The following SKAP2 variants were observed in gnomAD, a reference collection of about 807,000 sequenced individuals.
SKAP2 encodes src kinase-associated phosphoprotein 2.
Under a neutral mutation model 54.9 loss-of-function variants are expected in SKAP2, and 28 were observed. The observed-to-expected ratio is 0.51, with a 90% CI of 0.38 to 0.70. The LOEUF is 0.70. SKAP2 is among the 30% of genes least tolerant of loss of function. The pLI, the probability that SKAP2 is intolerant of heterozygous loss-of-function variation, is 0.00. For synonymous variants in SKAP2, 137 were observed against 134.3 expected, an observed-to-expected ratio of 1.02 and a Z score of -0.14; for missense variants, 356 against 424.1, an observed-to-expected ratio of 0.84 and a Z score of 1.41.
intron 4 of SKAP2, among the ~76,000 whole-genome samples, chr7:26,839,491 A>T (rs1268995839): frequency 2.0e-5 from 3 of 152,144 alleles, no homozygotes; most frequent in African/African-American, 7.2e-5. Context: ...AAATATGTGC[A>T]AATTGCAAAT....
At chr7:26,825,225 A>G (rs943483166) in intron 4 of SKAP2, among the ~76,000 whole-genome samples, 11 of 152,240 alleles carry the variant, frequency 7.2e-5, no homozygotes, top group Admixed American at 4.6e-4. Context: ...CATTTGAGAT[A>G]CAGATATTAA....
intron 4 of SKAP2, among the ~76,000 whole-genome samples, chr7:26,775,517 A>G (rs1350877463): frequency 1.5e-5 from 2 of 134,908 alleles, no homozygotes; most frequent in Admixed American, 1.7e-4. Flanking sequence ...TAGATTTCCC[A>G]GTTTTACTTG....
the SKAP2 span, among the ~76,000 whole-genome samples, chr7:26,656,517 A>G: frequency 1.3e-5 from 2 of 152,242 alleles, no homozygotes; most frequent in Admixed American, 1.3e-4. Flanking sequence ...AAAAACACAG[A>G]TATGTTCTGA....
chr7:26,796,821 T>C (rs1029397303), intron 4 of SKAP2, among the ~76,000 whole-genome samples: 20 of 152,224 alleles, frequency 1.3e-4, no homozygotes, highest in African/African-American at 3.6e-4. Context: ...CAACAGGCTA[T>C]TAGTAGTTAG....
intron 11 of SKAP2, 64 bp from the exon 12 acceptor site, chr7:26,670,256 C>A: frequency 1.3e-6 from 1 of 756,762 alleles, no homozygotes; most frequent in South Asian, 1.5e-5. Flanking sequence ...CGTTTGTATG[C>A]AACTTCTTAG....
At chr7:26,765,620 T>C (rs1485808472) in intron 4 of SKAP2, among the ~76,000 whole-genome samples, 1 of 152,242 alleles carries the variant, frequency 6.6e-6, no homozygotes, top group Non-Finnish European at 1.5e-5. Flanking sequence ...TTTAAGTCTT[T>C]AATCCACCTT....
the SKAP2 span, among the ~76,000 whole-genome samples, chr7:26,655,945 A>G: frequency 6.6e-6 from 1 of 152,246 alleles, no homozygotes; most frequent in African/African-American, 2.4e-5. Flanking sequence ...CACTGGATGG[A>G]AATGTTAGCA....
intron 9 of SKAP2, among the ~76,000 whole-genome samples, chr7:26,704,377 C>T (rs1018062817): frequency 2.0e-5 from 3 of 152,118 alleles, no homozygotes; most frequent in African/African-American, 7.2e-5. Context: ...TCAATCCTAG[C>T]CAGGAGCCTA....
chr7:26,777,147 T>A (rs1448332301), intron 4 of SKAP2, among the ~76,000 whole-genome samples: 1 of 152,034 alleles, frequency 6.6e-6, no homozygotes, highest in East Asian at 1.9e-4. Flanking sequence ...AAGAAAAAAA[T>A]TTAAAAAATA....
At chr7:26,772,499 G>A (rs555398937) in intron 4 of SKAP2, among the ~76,000 whole-genome samples, 1 of 152,288 alleles carries the variant, frequency 6.6e-6, no homozygotes, top group East Asian at 1.9e-4. Context: ...TTCTGTTCCT[G>A]TGTTAATTTG....
intron 4 of SKAP2, among the ~76,000 whole-genome samples, chr7:26,837,722 G>A (rs530075857): frequency 1.3e-5 from 2 of 151,720 alleles, no homozygotes; most frequent in Non-Finnish European, 2.9e-5. Context: ...TTTCTAACAA[G>A]CTCCCAGATG....
intron 4 of SKAP2, among the ~76,000 whole-genome samples, chr7:26,748,383 T>C (rs1782603830): frequency 6.6e-6 from 1 of 152,116 alleles, no homozygotes; most frequent in African/African-American, 2.4e-5. Flanking sequence ...AGCATATCAA[T>C]ATACTGAATC....
chr7:26,691,969 G>A (rs890245753), intron 9 of SKAP2, among the ~76,000 whole-genome samples: 8 of 152,044 alleles, frequency 5.3e-5, no homozygotes, highest in African/African-American at 1.7e-4. Context: ...AAGAGCCTTC[G>A]AAGGTTTTTT....
At chr7:26,669,975 C>T in intron 12 of SKAP2, 116 bp downstream of exon 12, 1 of 429,306 alleles carries the variant, frequency 2.3e-6, no homozygotes, top group Non-Finnish European at 4.2e-6. Flanking sequence ...GATTTCGGGG[C>T]ACAATCTTTG....
downstream of SKAP2, among the ~76,000 whole-genome samples, chr7:26,662,591 C>T (rs2128081599): frequency 6.6e-6 from 1 of 152,130 alleles, no homozygotes; most frequent in South Asian, 2.1e-4. Flanking sequence ...CACAGGATGG[C>T]ACTTAAATGT....
chr7:26,770,052 A>T (rs1324699146), intron 4 of SKAP2, among the ~76,000 whole-genome samples: 7 of 141,726 alleles, frequency 4.9e-5, no homozygotes, highest in Non-Finnish European at 1.5e-5. Context: ...CTGTGCCCAC[A>T]GCCACCCATT....
intron 9 of SKAP2, among the ~76,000 whole-genome samples, chr7:26,693,235 G>C (rs1292217488): frequency 6.6e-6 from 1 of 150,848 alleles, no homozygotes; most frequent in African/African-American, 2.4e-5. Context: ...AGGAGACTGA[G>C]GAAGGAGAAT....
chr7:26,742,881 T>C (rs1782483350), intron 4 of SKAP2, among the ~76,000 whole-genome samples: 1 of 152,196 alleles, frequency 6.6e-6, no homozygotes, highest in Non-Finnish European at 1.5e-5. Flanking sequence ...AAAAAAGTAG[T>C]AATTTCCTTT....
chr7:26,741,538 C>CTAAATAAA (rs370860741), intron 4 of SKAP2, among the ~76,000 whole-genome samples: 9 of 80,522 alleles, frequency 1.1e-4, no homozygotes, highest in South Asian at 4.1e-4. Flanking sequence ...GACCCTGTCT[C>CTAAATAAA]TAAATAAATA....
Sources: allele counts gnomAD v4.1 joint callset (sites outside exome capture counted in the v4.1 genomes callset), GRCh38; gene constraint gnomAD v4.1.1; transcripts MANE v1.5; gene names NCBI Gene and HGNC (gene_info 2026-07-23, HGNC 2026-07-21).